Variants in WWC1 observed in about 807,000 individuals in gnomAD.
WWC1 encodes the protein protein KIBRA.
Under a neutral mutation model 138.4 loss-of-function variants are expected in WWC1, and 55 were observed. The observed-to-expected ratio is 0.40, with a 90% CI of 0.32 to 0.50. The LOEUF is 0.50. Ranked by LOEUF, WWC1 falls within the 20% of genes least tolerant of loss-of-function variation. WWC1 has a pLI of 0.72. For missense variants in WWC1, 1,226 were observed against 1,420.4 expected, an observed-to-expected ratio of 0.86 and a Z score of 2.20; for synonymous variants, 524 against 564.9, an observed-to-expected ratio of 0.93 and a Z score of 1.03.
chr5:168,444,701 C>A, intron 17 of WWC1, 116 bp downstream of exon 17: 1 of 1,088,284 alleles, frequency 9.2e-7, no homozygotes, highest in Non-Finnish European at 1.4e-6. Context: ...AGGCTGAGAA[C>A]CCCTCTCCTC....
intron 2 of WWC1, among the ~76,000 whole-genome samples, chr5:168,381,420 C>T (rs1777621945): frequency 6.6e-6 from 1 of 152,114 alleles, no homozygotes. Flanking sequence ...ACCTGGAGCC[C>T]GCATCGCACC....
At position 168,467,854 on chromosome 5, in the gene WWC1, G is replaced by T. The variant is rs772538912; in HGVS notation, c.3165G>T (p.Ala1055=). The T allele has an allele frequency of 2.5e-6, 4 of 1,614,164 alleles. No individual in the cohort carries two copies. The East Asian group carries it at 8.9e-5, about 36-fold the overall frequency. Residue 1055 remains alanine, a synonymous_variant, in exon 22 of 23, where the codon GCG becomes GCT. Transcript: ENST00000265293. ...RMLEKRQMDR[A]EHKGELQTDK... ...GCTTTGCCCAGCAGATGGACCGAGC[G>T]GAGCACAAGGGTGAGCTTCAGACAG...
intron 8 of WWC1, among the ~76,000 whole-genome samples, chr5:168,413,771 G>A (rs933692643): frequency 3.9e-5 from 6 of 152,180 alleles, no homozygotes; most frequent in Admixed American, 3.9e-4. Context: ...AGAACTGTCA[G>A]TGACTCAGTA....
rs61730019 is a variant in WWC1, at chr5:168,428,039, A to G, written c.1817A>G (p.Asn606Ser). The change falls in exon 12 of 23, where the codon AAT becomes AGT. Residue 606 changes from asparagine (N) to serine (S), a missense_variant. This residue lies in a region of WWC1 where 1,016 missense variants were observed against 1,153.9 expected (regional missense o/e 0.88). Transcript: ENST00000265293. ...TEGKQLGQAV[N>S]TAQGCGLKVA... Reference sequence around the variant, plus strand: ...TTCCATTTTCCTTCCCTAGCTGTGAATACGGCCCAGGGGTGTGGCCTGAAA... The same window carrying G: ...TTCCATTTTCCTTCCCTAGCTGTGAGTACGGCCCAGGGGTGTGGCCTGAAA... 64,779 of 1,613,244 alleles carry G rather than the reference A, an allele frequency of 0.04. 1,479 individuals are homozygous for G. Among genetic ancestry groups the G allele is most frequent in the Non-Finnish European group, 0.047 (55,490 of 1,179,368 alleles).
Position 168,455,531 on chromosome 5 carries a change from G to C in WWC1, c.2823+11G>C. 6 of 1,611,250 alleles carry C rather than the reference G, an allele frequency of 3.7e-6. No individual in the cohort carries two copies. The South Asian group carries it at 6.6e-5, about 18-fold the overall frequency. On this transcript the variant is annotated intron_variant, in intron 19 of 22. Transcript: ENST00000265293. ...CAGTACGTGTGCCGGGTAAGTGAGC[G>C]TGCGGCCCTCTTCTGCTCCCCTCAG...
chr5:168,309,341 T>C (rs1233278605), intron 1 of WWC1, among the ~76,000 whole-genome samples: 2 of 146,478 alleles, frequency 1.4e-5, no homozygotes, highest in Admixed American at 1.3e-4. Flanking sequence ...TTGAATCCAG[T>C]CCTGGTCTCA....
intron 19 of WWC1, 43 bp from the exon 20 acceptor site, chr5:168,460,607 G>T (rs373275177): frequency 8.9e-5 from 142 of 1,598,964 alleles, no homozygotes; most frequent in Non-Finnish European, 1.1e-4. Context: ...CTTCCAGAAT[G>T]CACTCTGACC....
At chr5:168,298,163 C>T (rs886784141) in intron 1 of WWC1, among the ~76,000 whole-genome samples, 9 of 152,046 alleles carry the variant, frequency 5.9e-5, no homozygotes, top group African/African-American at 1.2e-4. Context: ...CTCAGCCTCC[C>T]GAGTAGCTGG....
At chr5:168,326,581 C>A (rs1018455965) in intron 1 of WWC1, among the ~76,000 whole-genome samples, 1 of 151,252 alleles carries the variant, frequency 6.6e-6, no homozygotes, top group South Asian at 2.1e-4. Context: ...CTCTGTAGCC[C>A]AGGCTGGAGT....
intron 1 of WWC1, among the ~76,000 whole-genome samples, chr5:168,308,386 A>G (rs931537747): frequency 6.6e-6 from 1 of 152,262 alleles, no homozygotes; most frequent in Non-Finnish European, 1.5e-5. Context: ...TCCAAAGGTC[A>G]GAGGATAAAG....
Position 168,457,155 on chromosome 5 carries a change from T to A in WWC1, c.2823+1635T>A, listed in dbSNP as rs938344095. 5.9e-4 allele frequency among the ~76,000 whole-genome samples: 89 copies of A among 151,828 alleles called. 2 individuals carry two copies. The highest frequency in any genetic ancestry group is 6.8e-3 in the Middle Eastern group (2 of 292). On this transcript the variant is annotated intron_variant, in intron 19 of 22. Coordinates refer to ENST00000265293, the MANE Select transcript of WWC1 (RefSeq NM_015238.3). The stretch of plus-strand genomic sequence containing the variant: ...TAGAAAGGGCATTTTTTTTTTTTTT[T>A]TTTTTTTAGCAAAGTCATATATTTT...
intron 1 of WWC1, among the ~76,000 whole-genome samples, chr5:168,322,036 C>A (rs188924139): frequency 6.6e-6 from 1 of 152,234 alleles, no homozygotes; most frequent in Non-Finnish European, 1.5e-5. Context: ...AGGAGATCTG[C>A]GAGGTCAAAG....
At chr5:168,339,961 CT>C (rs1773886945) in intron 1 of WWC1, among the ~76,000 whole-genome samples, 3 of 131,444 alleles carry the variant, frequency 2.3e-5, no homozygotes, top group African/African-American at 8.6e-5. Flanking sequence ...CTCTCCCTCT[CT>C]CTCTCTGTCT....
At chr5:168,465,576 T>TTTTTG (rs1554118704) in intron 21 of WWC1, among the ~76,000 whole-genome samples, 12 of 136,208 alleles carry the variant, frequency 8.8e-5, no homozygotes, top group African/African-American at 3.2e-4. Flanking sequence ...TTTTTTTTTT[T>TTTTTG]GGAGATGGGT....
At chr5:168,379,129 C>T (rs1777435041) in intron 2 of WWC1, among the ~76,000 whole-genome samples, 1 of 152,126 alleles carries the variant, frequency 6.6e-6, no homozygotes. Flanking sequence ...TGGAAAGTAG[C>T]TGCTTTTGGA....
At chr5:168,304,106 C>T (rs567357870) in intron 1 of WWC1, among the ~76,000 whole-genome samples, 2 of 152,206 alleles carry the variant, frequency 1.3e-5, no homozygotes, top group East Asian at 3.8e-4. Context: ...TTAGACATCT[C>T]TCATTATATT....
intron 1 of WWC1, among the ~76,000 whole-genome samples, chr5:168,337,443 T>C (rs1166715244): frequency 1.3e-5 from 2 of 151,908 alleles, no homozygotes; most frequent in Non-Finnish European, 2.9e-5. Context: ...ACTGGGAGGG[T>C]GCCTCTAAAT....
At chr5:168,297,078 G>A (rs149175446) in intron 1 of WWC1, among the ~76,000 whole-genome samples, 81 of 152,266 alleles carry the variant, frequency 5.3e-4, no homozygotes, top group African/African-American at 1.9e-3. Context: ...TGAACCTTGC[G>A]TTTGCCTTCT....
At chr5:168,390,686 A>G (rs1778416645) in intron 3 of WWC1, among the ~76,000 whole-genome samples, 1 of 152,248 alleles carries the variant, frequency 6.6e-6, no homozygotes, top group African/African-American at 2.4e-5. Flanking sequence ...TCTCTAACTC[A>G]GATGGCTTGC....
Sources: gnomAD v4.1 joint callset for allele counts (sites outside exome capture counted in the v4.1 genomes callset) on GRCh38, gnomAD v4.1.1 for gene constraint, gnomAD v4.1.1 regional missense constraint, MANE v1.5 for transcripts, NCBI Gene and HGNC (gene_info 2026-07-23, HGNC 2026-07-21) for gene names.